The following RHOT1 variants were observed in gnomAD, a reference collection of about 807,000 sequenced individuals.
RHOT1 encodes the protein ras homolog family member T1.
In RHOT1, 27 loss-of-function variants were observed where a neutral mutation model predicts 95.3. The observed-to-expected ratio is 0.28, with a 90% confidence interval of 0.21 to 0.39. The LOEUF (loss-of-function observed/expected upper bound fraction) is 0.39. Among genes scored for constraint, RHOT1 ranks in the 10% least tolerant of loss-of-function variants. The pLI is 1.00. For missense variants in RHOT1, 578 were observed against 786.7 expected (o/e 0.73, Z 3.17); for synonymous variants, 227 against 263.5 (o/e 0.86, Z 1.34).
intron 1 of RHOT1, chr17:32,150,514 A>T: frequency 7.2e-7 from 1 of 1,393,348 alleles, no homozygotes; most frequent in Non-Finnish European, 1.0e-6. Context: ...GCCTTGCCTT[A>T]TCATACTGGG....
chr17:32,175,278 A>C, intron 3 of RHOT1, 41 bp from the exon 4 acceptor site: 1 of 1,573,222 alleles, frequency 6.4e-7, no homozygotes, highest in African/African-American at 1.3e-5. Context: ...TTTTTATGAA[A>C]GTGTCTGCAA....
At chr17:32,144,220 GAC>G (rs1254834770) in intron 1 of RHOT1, among the ~76,000 whole-genome samples, 6 of 152,130 alleles carry the variant, frequency 3.9e-5, no homozygotes, top group Admixed American at 3.9e-4. Flanking sequence ...GTTGTTTTGA[GAC>G]AGAGTCTCGC....
At position 32,210,088 on chromosome 17, in the gene RHOT1, C is replaced by A. The variant is rs556016723; in HGVS notation, c.1740-1028C>A. On this transcript the variant is annotated intron_variant, in intron 18 of 19. Transcript: ENST00000545287. ...ATGCCACCATGTGCTGTGGTCTCATCAGATCTCATAAGCTAAGCCAAGTCA... is the reference window on the plus strand; with the variant it reads ...ATGCCACCATGTGCTGTGGTCTCATAAGATCTCATAAGCTAAGCCAAGTCA... 3.9e-5 allele frequency among the ~76,000 whole-genome samples: 6 copies of A among 152,056 alleles called. 1 individual carries two copies. The highest frequency in any genetic ancestry group is 1.4e-4 in the African/African-American group (6 of 41,442).
intron 1 of RHOT1, among the ~76,000 whole-genome samples, chr17:32,162,207 G>C (rs535372038): frequency 6.6e-6 from 1 of 152,136 alleles, no homozygotes; most frequent in South Asian, 2.1e-4. Context: ...CTGCTAGCAT[G>C]CTCTGTTGCC....
intron 1 of RHOT1, among the ~76,000 whole-genome samples, chr17:32,169,138 G>A (rs2034361480): frequency 6.6e-6 from 1 of 152,088 alleles, no homozygotes; most frequent in Non-Finnish European, 1.5e-5. Context: ...TCTCCTTCCT[G>A]TGTTCCAGAC....
At chr17:32,174,077 A>C (rs2034799270) in intron 3 of RHOT1, among the ~76,000 whole-genome samples, 165 bp downstream of exon 3, 1 of 152,178 alleles carries the variant, frequency 6.6e-6, no homozygotes, top group Non-Finnish European at 1.5e-5. Context: ...CCTCTACCCT[A>C]TACCCCACCC....
chr17:32,216,416 A>G (rs1407990533), intron 19 of RHOT1, among the ~76,000 whole-genome samples: 2 of 151,964 alleles, frequency 1.3e-5, no homozygotes, highest in Admixed American at 1.3e-4. Flanking sequence ...CTATTTTATT[A>G]TTTGCATTAG....
intron 1 of RHOT1, among the ~76,000 whole-genome samples, chr17:32,161,401 T>C (rs141552788): frequency 1.3e-5 from 2 of 152,330 alleles, no homozygotes; most frequent in African/African-American, 4.8e-5. Flanking sequence ...GTAGGCTCTA[T>C]TATCGTGATG....
At chr17:32,146,455 A>AT (rs1032519692) in intron 1 of RHOT1, among the ~76,000 whole-genome samples, 2 of 150,424 alleles carry the variant, frequency 1.3e-5, no homozygotes, top group African/African-American at 4.9e-5. Context: ...TTTTTATTTT[A>AT]TTTTTTTTGA....
At chr17:32,176,747 A>G (rs551701725) in intron 6 of RHOT1, among the ~76,000 whole-genome samples, 32 of 151,516 alleles carry the variant, frequency 2.1e-4, no homozygotes, top group Admixed American at 7.2e-4. Context: ...TAATTTTCGT[A>G]TTTTTTAGTA....
At chr17:32,199,773 AG>A (rs1290076639) in intron 13 of RHOT1, among the ~76,000 whole-genome samples, 1 of 152,212 alleles carries the variant, frequency 6.6e-6, no homozygotes, top group African/African-American at 2.4e-5. Context: ...GGGAAAAAGT[AG>A]TAAGTCTTTG....
At chr17:32,157,101 TA>T (rs952198746) in intron 1 of RHOT1, among the ~76,000 whole-genome samples, 22 of 152,302 alleles carry the variant, frequency 1.4e-4, no homozygotes, top group African/African-American at 5.3e-4. Flanking sequence ...AATATTTATG[TA>T]AAAGGTAATA....
chr17:32,200,965 T>C lies in RHOT1; in HGVS notation c.1110T>C (p.Thr370=). The change falls in exon 14 of 20, where the codon ACT becomes ACC. Residue 370 remains threonine (T), a synonymous_variant. Coordinates refer to ENST00000545287, the MANE Select transcript of RHOT1 (RefSeq NM_001033566.3). ...CTCTTTTCTTTCATAGGCTCACGACTTATTTAGATGTACAGCGGTGCCTGG... is the reference window on the plus strand; with the variant it reads ...CTCTTTTCTTTCATAGGCTCACGACCTATTTAGATGTACAGCGGTGCCTGG... ...QGFLSQWTLT[T]YLDVQRCLEY... 1.2e-6 allele frequency: 2 copies of C among 1,609,642 alleles called. No individual in the cohort carries two copies. Among genetic ancestry groups the C allele is most frequent in the South Asian group, 2.2e-5 (2 of 90,650 alleles).
At chr17:32,211,885 A>G (rs1187519777) in intron 19 of RHOT1, among the ~76,000 whole-genome samples, 1 of 152,176 alleles carries the variant, frequency 6.6e-6, no homozygotes, top group African/African-American at 2.4e-5. Flanking sequence ...GTAATCCTAT[A>G]AAGTAACACG....
intron 2 of RHOT1, among the ~76,000 whole-genome samples, chr17:32,171,350 T>G (rs1274123890): frequency 6.6e-6 from 1 of 152,184 alleles, no homozygotes; most frequent in Admixed American, 6.5e-5. Flanking sequence ...CCTCCCAAAG[T>G]GCTGGGATTA....
At chr17:32,218,576 G>A (rs1229634129) in intron 19 of RHOT1, among the ~76,000 whole-genome samples, 5 of 151,328 alleles carry the variant, frequency 3.3e-5, no homozygotes, top group Non-Finnish European at 7.4e-5. Flanking sequence ...TGGAGATCGA[G>A]ACAGTAGGAT....
intron 8 of RHOT1, among the ~76,000 whole-genome samples, chr17:32,185,425 T>G (rs1327085905): frequency 2.0e-5 from 3 of 151,978 alleles, no homozygotes; most frequent in African/African-American, 4.8e-5. Context: ...TCCTTTTTTT[T>G]GGGTCAGGGC....
chr17:32,223,352 G>A (rs1199732910), intron 19 of RHOT1, among the ~76,000 whole-genome samples: 1 of 150,620 alleles, frequency 6.6e-6, no homozygotes, highest in Admixed American at 6.6e-5. Context: ...GTTTAACTTA[G>A]TTATAAAATA....
At chr17:32,194,975 G>A (rs1346868289) in intron 11 of RHOT1, among the ~76,000 whole-genome samples, 9 of 151,676 alleles carry the variant, frequency 5.9e-5, no homozygotes, top group Non-Finnish European at 1.3e-4. Flanking sequence ...ACAGGCGCCC[G>A]CCACCATGCC....
Sources: gnomAD v4.1 joint callset for allele counts (sites outside exome capture counted in the v4.1 genomes callset) on GRCh38, gnomAD v4.1.1 for gene constraint, MANE v1.5 for transcripts, NCBI Gene and HGNC (gene_info 2026-07-23, HGNC 2026-07-21) for gene names.